CEP128: variants seen among roughly 807,000 people sequenced by gnomAD.
CEP128 encodes the protein centrosomal protein 128, also known as centrosomal protein 128kDa.
In CEP128, 132 loss-of-function variants were observed where a neutral mutation model predicts 156.7. The observed-to-expected ratio is 0.84, with a 90% CI of 0.73 to 0.97. CEP128 has a LOEUF of 0.97. CEP128 is among the 50% of genes least tolerant of loss of function. The pLI is 0.00. For synonymous variants in CEP128, 469 were observed against 448.9 expected (o/e 1.04, Z -0.57); for missense variants, 1,252 against 1,281.9 (o/e 0.98, Z 0.36).
chr14:80,925,562 C>T (rs1256924817), intron 2 of CEP128, among the ~76,000 whole-genome samples: 1 of 151,924 alleles, frequency 6.6e-6, no homozygotes, highest in African/African-American at 2.4e-5. Context: ...TAAACTTTGT[C>T]ATAGAAAGTG....
At chr14:80,485,232 T>C (rs376950260) in intron 14 of CEP128, among the ~76,000 whole-genome samples, 3 of 152,230 alleles carry the variant, frequency 2.0e-5, no homozygotes, top group Middle Eastern at 3.4e-3. Flanking sequence ...AAAGTAAAGG[T>C]TGCCCAAAAA....
chr14:80,844,844 A>G (rs2140097106), intron 9 of CEP128, among the ~76,000 whole-genome samples: 1 of 150,088 alleles, frequency 6.7e-6, no homozygotes, highest in East Asian at 2.0e-4. Context: ...TTGGTGGAAG[A>G]GATGGATGCT....
intron 17 of CEP128, 112 bp from the exon 18 acceptor site, chr14:80,757,063 T>C: frequency 4.3e-6 from 3 of 691,658 alleles, no homozygotes; most frequent in Non-Finnish European, 7.2e-6. Flanking sequence ...TTTAAGGATT[T>C]AAAAAGAAAA....
intron 19 of CEP128, among the ~76,000 whole-genome samples, chr14:80,662,651 T>C (rs1895449754): frequency 6.6e-6 from 1 of 152,196 alleles, no homozygotes; most frequent in African/African-American, 2.4e-5. Flanking sequence ...TATAATATAA[T>C]GATTATTTTT....
intron 18 of CEP128, among the ~76,000 whole-genome samples, chr14:80,743,965 G>T (rs1294142238): frequency 6.6e-6 from 1 of 150,924 alleles, no homozygotes; most frequent in Non-Finnish European, 1.5e-5. Flanking sequence ...TTGACTTCCT[G>T]GGCTCAAGCA....
At chr14:80,669,829 TG>T (rs1467646466) in intron 19 of CEP128, among the ~76,000 whole-genome samples, 6 of 152,200 alleles carry the variant, frequency 3.9e-5, no homozygotes, top group African/African-American at 1.4e-4. Context: ...CATTCTTGCA[TG>T]GCTACAAAGA....
intron 19 of CEP128, among the ~76,000 whole-genome samples, chr14:80,689,670 CTGTG>C (rs986603638): frequency 2.0e-5 from 3 of 151,464 alleles, no homozygotes; most frequent in Admixed American, 1.3e-4. Context: ...CTGTTGTACT[CTGTG>C]TGTGTGTGTA....
At chr14:80,917,134 T>G (rs1283802965) in intron 2 of CEP128, among the ~76,000 whole-genome samples, 1 of 152,202 alleles carries the variant, frequency 6.6e-6, no homozygotes, top group Non-Finnish European at 1.5e-5. Flanking sequence ...AACAGATACA[T>G]GAGAAGGTGG....
intron 19 of CEP128, among the ~76,000 whole-genome samples, chr14:80,624,751 G>A (rs1448733477): frequency 2.0e-5 from 3 of 151,902 alleles, no homozygotes; most frequent in East Asian, 1.9e-4. Flanking sequence ...CAGACCCTTG[G>A]CCCATTTTTT....
chr14:80,584,561 C>T (rs1422903609), intron 19 of CEP128, among the ~76,000 whole-genome samples: 2 of 152,166 alleles, frequency 1.3e-5, no homozygotes, highest in Non-Finnish European at 2.9e-5. Context: ...CCACTGCTCA[C>T]TCGTTAGGTG....
intron 9 of CEP128, among the ~76,000 whole-genome samples, chr14:80,850,273 G>T (rs561210264): frequency 6.6e-6 from 1 of 152,022 alleles, no homozygotes; most frequent in African/African-American, 2.4e-5. Flanking sequence ...TTTTTCATTT[G>T]TGAGGCTAGT....
chr14:80,491,551 T>G (rs764430793), downstream of CEP128, among the ~76,000 whole-genome samples: 5 of 152,164 alleles, frequency 3.3e-5, no homozygotes, highest in Non-Finnish European at 7.3e-5. Flanking sequence ...GATGGGAAGT[T>G]TCAAATATGC....
At chr14:80,661,801 G>C (rs1281561069) in intron 19 of CEP128, among the ~76,000 whole-genome samples, 2 of 152,066 alleles carry the variant, frequency 1.3e-5, no homozygotes, top group African/African-American at 4.8e-5. Flanking sequence ...TTTCATTAAT[G>C]TTGCCTCTCA....
At chr14:80,533,999 G>A (rs982801615) in intron 21 of CEP128, among the ~76,000 whole-genome samples, 1 of 152,142 alleles carries the variant, frequency 6.6e-6, no homozygotes, top group Non-Finnish European at 1.5e-5. Flanking sequence ...GGAATTGCAT[G>A]CACAAATGCT....
intron 14 of CEP128, among the ~76,000 whole-genome samples, chr14:80,789,658 CT>C: frequency 6.6e-6 from 1 of 152,148 alleles, no homozygotes; most frequent in East Asian, 1.9e-4. Context: ...GCAAACCAAG[CT>C]TCCAAAGAAG....
chr14:80,732,257 T>C (rs1898307352), intron 19 of CEP128, among the ~76,000 whole-genome samples: 1 of 152,006 alleles, frequency 6.6e-6, no homozygotes, highest in Non-Finnish European at 1.5e-5. Context: ...TTAACTGCAA[T>C]GGAGTGGTAA....
intron 18 of CEP128, among the ~76,000 whole-genome samples, chr14:80,755,891 G>T (rs543686472): frequency 1.3e-5 from 2 of 152,148 alleles, no homozygotes; most frequent in Non-Finnish European, 2.9e-5. Flanking sequence ...AATAGAAGGG[G>T]TCTGATCAGA....
intron 19 of CEP128, among the ~76,000 whole-genome samples, chr14:80,588,730 TC>T (rs1175719813): frequency 6.6e-6 from 1 of 152,146 alleles, no homozygotes; most frequent in Non-Finnish European, 1.5e-5. Flanking sequence ...AGTGTTTGCA[TC>T]TTACAAATCC....
chr14:80,801,144 T>G (rs536661556), intron 13 of CEP128, among the ~76,000 whole-genome samples: 1 of 152,298 alleles, frequency 6.6e-6, no homozygotes, highest in African/African-American at 2.4e-5. Context: ...TTGGCTGAGA[T>G]GATGGGGTTT....
Sources: allele counts gnomAD v4.1 joint callset (sites outside exome capture counted in the v4.1 genomes callset), GRCh38; gene constraint gnomAD v4.1.1; transcripts MANE v1.5; gene names NCBI Gene and HGNC (gene_info 2026-07-23, HGNC 2026-07-21).